PITPNM2: variants seen among roughly 807,000 people sequenced by gnomAD.
The protein encoded by PITPNM2 is phosphatidylinositol transfer protein membrane associated 2.
Under a neutral mutation model 132.2 loss-of-function variants are expected in PITPNM2, and 35 were observed. The ratio of observed to expected loss-of-function variants is 0.26; its 90% CI spans 0.20 to 0.35. The LOEUF (loss-of-function observed/expected upper bound fraction) is 0.35. PITPNM2 is among the 10% of genes least tolerant of loss of function. The pLI is 1.00. For synonymous variants in PITPNM2, 738 were observed against 799.2 expected (o/e 0.92, Z 1.29); for missense variants, 1,332 against 1,912.0 (o/e 0.70, Z 5.66).
chr12:123,113,411 G>A (rs1022794176), intron 1 of PITPNM2, among the ~76,000 whole-genome samples: 7 of 152,038 alleles, frequency 4.6e-5, no homozygotes, highest in Admixed American at 2.6e-4. Context: ...CATAAAACCC[G>A]CCCTTTTAGC....
intron 1 of PITPNM2, among the ~76,000 whole-genome samples, chr12:123,130,789 G>T (rs2043247070): frequency 6.6e-6 from 1 of 152,044 alleles, no homozygotes; most frequent in African/African-American, 2.4e-5. Flanking sequence ...CAAAAAAAAA[G>T]AGTTTTGAGA....
Position 122,990,571 on chromosome 12 carries a change from C to T in PITPNM2, c.2543G>A (p.Ser848Asn). ...CTGGGCGATGCTGGATGCCGTGTAG[C>T]TCTCAGCCATGCCTGACACCTGGCT... is the stretch of plus-strand genomic sequence containing the variant. ...IASQVSGMAESYTASSIAQKA... is the reference protein window; with the variant it reads ...IASQVSGMAENYTASSIAQKA... Residue 848 changes from serine (S) to asparagine (N), a missense_variant, in exon 17 of 26, where the codon AGC (serine) becomes AAC (asparagine). Physicochemically the swap from Ser to Asn is conservative, Grantham distance 46. Coordinates refer to ENST00000320201, the MANE Select transcript of PITPNM2 (RefSeq NM_020845.3). 1 of 1,612,952 alleles carries T rather than the reference C, an allele frequency of 6.2e-7. No homozygotes were observed. The highest frequency in any genetic ancestry group is 8.5e-7 in the Non-Finnish European group (1 of 1,179,980).
chr12:123,007,293 G>A, intron 6 of PITPNM2: 1 of 455,208 alleles, frequency 2.2e-6, no homozygotes. Context: ...TGTGTGAAAT[G>A]CCACATTTCA....
intron 1 of PITPNM2, among the ~76,000 whole-genome samples, chr12:123,137,892 C>CAAA (rs72436741): frequency 3.1e-5 from 4 of 127,016 alleles, no homozygotes; most frequent in African/African-American, 6.4e-5. Flanking sequence ...GATTCTGTCT[C>CAAA]AAAAAAAAAA....
chr12:123,089,190 C>G (rs2137089888), intron 2 of PITPNM2: 1 of 152,296 alleles, frequency 6.6e-6, no homozygotes, highest in Non-Finnish European at 1.5e-5. Context: ...GCATGCAAAC[C>G]AAGGCATCCA....
chr12:123,002,640 G>A (rs2038747669), intron 8 of PITPNM2, among the ~76,000 whole-genome samples: 2 of 152,258 alleles, frequency 1.3e-5, no homozygotes, highest in South Asian at 4.1e-4. Flanking sequence ...TTGGTCTTGA[G>A]CTCCTGGGCT....
chr12:122,992,297 AT>A lies in PITPNM2; in HGVS notation c.2404+201del, dbSNP rs1382530277. On this transcript the variant is annotated intron_variant, in intron 16 of 25. Transcript: ENST00000320201. This position sits in a 1 kb window ranked among gnomAD's most constrained non-coding sequence, Gnocchi z 6.5. ...TGTCCTCTGAAAGGTGGGAACTATC[AT>A]TTGTGCCTCACAGGGATCAGTGCGG... is the stretch of plus-strand genomic sequence containing the variant. Among the ~76,000 whole-genome samples, 11 of 151,960 alleles carry A rather than the reference AT, an allele frequency of 7.2e-5. No homozygotes were observed. In the East Asian group the frequency reaches 1.3e-3, roughly 19 times the overall value.
At chr12:123,046,987 C>T (rs1486024732) in intron 2 of PITPNM2, among the ~76,000 whole-genome samples, 1 of 152,190 alleles carries the variant, frequency 6.6e-6, no homozygotes, top group Non-Finnish European at 1.5e-5. Flanking sequence ...ATATGCACCC[C>T]TAGCATTGAT....
intron 1 of PITPNM2, among the ~76,000 whole-genome samples, chr12:123,125,285 AC>A (rs1489444671): frequency 6.6e-6 from 1 of 152,202 alleles, no homozygotes; most frequent in African/African-American, 2.4e-5. Context: ...CACTCAAAAA[AC>A]AATGTTCTTT....
chr12:123,096,672 CCTA>C (rs2042418924), intron 2 of PITPNM2, among the ~76,000 whole-genome samples: 1 of 152,204 alleles, frequency 6.6e-6, no homozygotes, highest in African/African-American at 2.4e-5. Context: ...GCACCACTAG[CCTA>C]AACAAGGGTC....
At position 123,001,078 on chromosome 12, in the gene PITPNM2, T is replaced by C; in HGVS notation, c.1129A>G (p.Ser377Gly). The C allele has an allele frequency of 6.2e-7, 1 of 1,614,172 alleles. No individual in the cohort carries two copies. Among genetic ancestry groups the C allele is most frequent in the Non-Finnish European group, 8.5e-7 (1 of 1,180,026 alleles). ...CCTTGTGTGTCTTCCGGCTCTGGGC[T>C]CTCGATCTTGTCCATGAGGTCATTG... Reference protein sequence around the residue: ...SSNDLMDKIESPEPEDTQDGL... With the variant: ...SSNDLMDKIEGPEPEDTQDGL... Residue 377 changes from serine (S) to glycine (G), a missense_variant, in exon 9 of 26, where the codon AGC (serine) becomes GGC (glycine). This residue lies in a region of PITPNM2 where 710 missense variants were observed against 911.5 expected (regional missense o/e 0.78). Transcript: ENST00000320201.
In PITPNM2 at chr12:123,099,042, T is replaced by C. The variant is rs1228155274; in HGVS notation, c.-96+11343A>G. 6.6e-6 allele frequency among the ~76,000 whole-genome samples: 1 copy of C among 152,166 alleles called. No homozygotes were observed. The highest frequency in any genetic ancestry group is 1.5e-5 in the Non-Finnish European group (1 of 68,022). ...CAGATGTCAGCTGCTGCCTTCTCTC[T>C]GCTCTAGCTGCACTCTGTGCCTCCC... On this transcript the variant is annotated intron_variant, in intron 2 of 25. Transcript: ENST00000320201. This position sits in a 1 kb window ranked among gnomAD's most constrained non-coding sequence, Gnocchi z 4.2.
At chr12:123,024,859 C>T (rs984032807) in intron 3 of PITPNM2, among the ~76,000 whole-genome samples, 1 of 152,116 alleles carries the variant, frequency 6.6e-6, no homozygotes, top group African/African-American at 2.4e-5. Flanking sequence ...CTAAAAACCA[C>T]CGAACTGTGC....
intron 1 of PITPNM2, among the ~76,000 whole-genome samples, chr12:123,130,944 AG>A (rs1436841201): frequency 2.6e-5 from 4 of 152,268 alleles, no homozygotes; most frequent in African/African-American, 9.6e-5. Context: ...GGACAGGAAA[AG>A]GGGATGATCC....
intron 13 of PITPNM2, among the ~76,000 whole-genome samples, chr12:122,996,024 T>G (rs2038412940): frequency 6.6e-6 from 1 of 152,162 alleles, no homozygotes. Context: ...CCTGCCCCCA[T>G]GTACCTGCCC....
chr12:122,995,598 A>ACCG lies in PITPNM2; in HGVS notation c.1842_1844dup (p.Gly622dup), dbSNP rs767581335. The stretch of plus-strand genomic sequence containing the variant: ...TGCTGCCACCACCGCCACCGCCGCC[A>ACCG]CCGCCACCACCGCAGCAGTGTGCTG... On this transcript the variant is annotated inframe_insertion, in exon 14 of 26. Coordinates refer to ENST00000320201, the MANE Select transcript of PITPNM2 (RefSeq NM_020845.3). 6.2e-7 allele frequency: 1 copy of ACCG among 1,604,486 alleles called. No homozygotes were observed. Among genetic ancestry groups the ACCG allele is most frequent in the South Asian group, 1.1e-5 (1 of 90,882 alleles).
intron 9 of PITPNM2, 32 bp downstream of exon 9, chr12:123,001,022 C>G: frequency 6.3e-7 from 1 of 1,598,650 alleles, no homozygotes. Context: ...ACCGCCCTCC[C>G]CAGGCTCTGC....
rs2041864019 is a variant in PITPNM2 at position 123,078,656 on chromosome 12, G to A, written c.-96+31729C>T. On this transcript the variant is annotated intron_variant, in intron 2 of 25. Coordinates refer to ENST00000320201, the MANE Select transcript of PITPNM2 (RefSeq NM_020845.3). This position sits in a 1 kb window ranked among gnomAD's most constrained non-coding sequence, Gnocchi z 7.3. The stretch of plus-strand genomic sequence containing the variant: ...GATAAGGGGATACCCACCTATGGAA[G>A]GGCTCCGATGGCCCAGTGCCACCCA... 6.6e-6 allele frequency among the ~76,000 whole-genome samples: 1 copy of A among 152,246 alleles called. No individual in the cohort carries two copies. Among genetic ancestry groups the A allele is most frequent in the African/African-American group, 2.4e-5 (1 of 41,474 alleles).
Position 122,992,692 on chromosome 12 carries a change from C to T in PITPNM2, c.2234-23G>A. 6.5e-7 allele frequency: 1 copy of T among 1,533,150 alleles called. No homozygotes were observed. The highest frequency in any genetic ancestry group is 8.8e-7 in the Non-Finnish European group (1 of 1,137,518). 95.0% of individuals were successfully genotyped at this position (1,533,150 alleles called of 1,614,324 possible). On this transcript the variant is annotated intron_variant, in intron 15 of 25. Transcript: ENST00000320201. This position sits in a 1 kb window ranked among gnomAD's most constrained non-coding sequence, Gnocchi z 6.5. ...AAACTGGGGGTGGGGGTGTTGGCTG[C>T]AGAGCTGGGGCTGGCCCTGAGGAGC...
Sources: allele counts gnomAD v4.1 joint callset (sites outside exome capture counted in the v4.1 genomes callset), GRCh38; gene constraint gnomAD v4.1.1; regional missense constraint gnomAD v4.1.1; non-coding constraint Gnocchi (gnomAD v3.1); transcripts MANE v1.5; gene names NCBI Gene and HGNC (gene_info 2026-07-23, HGNC 2026-07-21).